Variants in LRBA observed in about 807,000 individuals in gnomAD.
LRBA encodes the protein LPS responsive beige-like anchor protein, also known as lipopolysaccharide-responsive and beige-like anchor protein.
Under a neutral mutation model 330.0 loss-of-function variants are expected in LRBA, and 176 were observed. The observed-to-expected ratio is 0.53, with a 90% CI of 0.47 to 0.60. The LOEUF is 0.60. LRBA is among the 20% of genes least tolerant of loss of function. The pLI is 0.00. For missense variants in LRBA, 3,259 were observed against 3,444.8 expected (o/e 0.95, Z 1.35); for synonymous variants, 1,230 against 1,193.0 (o/e 1.03, Z -0.64).
At chr4:150,608,727 A>G (rs1774925299) in intron 37 of LRBA, among the ~76,000 whole-genome samples, 1 of 152,196 alleles carries the variant, frequency 6.6e-6, no homozygotes, top group African/African-American at 2.4e-5. Flanking sequence ...CCCCAAAATG[A>G]AACTCCATAC....
At chr4:150,312,968 C>T (rs1286680647) in intron 51 of LRBA, among the ~76,000 whole-genome samples, 2 of 151,758 alleles carry the variant, frequency 1.3e-5, no homozygotes, top group Non-Finnish European at 1.5e-5. Context: ...ATTTATTAAA[C>T]TTTATAATAT....
intron 52 of LRBA, among the ~76,000 whole-genome samples, chr4:150,309,753 TGATGGTGTA>T (rs1730820984): frequency 6.6e-6 from 1 of 152,140 alleles, no homozygotes; most frequent in African/African-American, 2.4e-5. Flanking sequence ...CTTTTCTTCA[TGATGGTGTA>T]GATTTCAGCA....
At chr4:150,391,822 A>C (rs1743984832) in intron 47 of LRBA, among the ~76,000 whole-genome samples, 1 of 151,390 alleles carries the variant, frequency 6.6e-6, no homozygotes, top group African/African-American at 2.4e-5. Context: ...CTTGAGTGCC[A>C]CTTCTTTGGT....
chr4:150,441,583 G>A lies in LRBA; in HGVS notation c.6781-4719C>T, dbSNP rs557207426. On this transcript the variant is annotated intron_variant, in intron 44 of 56. Coordinates refer to ENST00000651943, the MANE Select transcript of LRBA (RefSeq NM_001364905.1). ...AAAATTTTAGGAACTCTTACCTGAA[G>A]TTATCTAATTAAGAATACCACCTCC... 8.8e-4 allele frequency among the ~76,000 whole-genome samples: 133 copies of A among 151,888 alleles called. 2 individuals carry two copies. In the South Asian group the frequency reaches 0.027, roughly 30 times the overall value.
At chr4:150,675,197 CAAA>C (rs1043165184) in intron 37 of LRBA, among the ~76,000 whole-genome samples, 1 of 151,642 alleles carries the variant, frequency 6.6e-6, no homozygotes, top group East Asian at 1.9e-4. Flanking sequence ...TAGCTCAAAA[CAAA>C]AAAACAAAAA....
rs185431783 is a variant in LRBA at position 150,814,833 on chromosome 4, T to C, written c.5305+2291A>G. Reference sequence around the variant, plus strand: ...CCAATAAATGTAACAGTCTTCAAGATAGCAAATTGTTTTATAATTCTGCAT... The same window carrying C: ...CCAATAAATGTAACAGTCTTCAAGACAGCAAATTGTTTTATAATTCTGCAT... On this transcript the variant is annotated intron_variant, in intron 31 of 56. Coordinates refer to ENST00000651943, the MANE Select transcript of LRBA (RefSeq NM_001364905.1). Among the ~76,000 whole-genome samples, 9 of 152,128 alleles carry C rather than the reference T, an allele frequency of 5.9e-5. No individual in the cohort carries two copies. The East Asian group carries it at 9.6e-4, about 16-fold the overall frequency.
intron 22 of LRBA, among the ~76,000 whole-genome samples, chr4:150,866,737 G>C (rs1344302290): frequency 6.6e-6 from 1 of 152,136 alleles, no homozygotes; most frequent in Admixed American, 6.6e-5. Context: ...AAATAGTCAT[G>C]TCATGCAATA....
At chr4:150,873,540 A>T (rs1317404906) in intron 17 of LRBA, among the ~76,000 whole-genome samples, 2 of 152,002 alleles carry the variant, frequency 1.3e-5, no homozygotes, top group Non-Finnish European at 2.9e-5. Context: ...CAGGGAGCCG[A>T]GATCATGCCA....
At position 150,819,911 on chromosome 4, in the gene LRBA, T is replaced by C. The variant is rs1041906940; in HGVS notation, c.5172-2654A>G. Among the ~76,000 whole-genome samples, 7 of 152,092 alleles carry C rather than the reference T, an allele frequency of 4.6e-5. 1 individual carries two copies. The highest frequency in any genetic ancestry group is 4.6e-4 in the Admixed American group (7 of 15,246). ...ATGATAGATCAGAAGTACGGCTTTC[T>C]ACATGAATTTACATTTTACATGTTC... On this transcript the variant is annotated intron_variant, in intron 30 of 56. Coordinates refer to ENST00000651943, the MANE Select transcript of LRBA (RefSeq NM_001364905.1).
chr4:150,883,024 G>A lies in LRBA; in HGVS notation c.2165+10028C>T, dbSNP rs1302109180. Among the ~76,000 whole-genome samples, 17 of 152,150 alleles carry A rather than the reference G, an allele frequency of 1.1e-4. No homozygotes were observed. In the South Asian group the frequency reaches 3.5e-3, roughly 32 times the overall value. ...TGATGACTATGACACAGTTTGGCAT[G>A]CCTATATTATCTGTCACCAATAAAG... On this transcript the variant is annotated intron_variant, in intron 17 of 56. Coordinates refer to ENST00000651943, the MANE Select transcript of LRBA (RefSeq NM_001364905.1).
chr4:150,278,790 A>G (rs534219079), intron 55 of LRBA, among the ~76,000 whole-genome samples: 1 of 152,020 alleles, frequency 6.6e-6, no homozygotes, highest in Admixed American at 6.6e-5. Context: ...ATGAATATTT[A>G]TATGAATTCC....
At chr4:150,904,827 A>G (rs1272060030) in intron 13 of LRBA, among the ~76,000 whole-genome samples, 2 of 152,142 alleles carry the variant, frequency 1.3e-5, no homozygotes, top group Non-Finnish European at 2.9e-5. Flanking sequence ...TGAAAAGACC[A>G]GCTGAAAATA....
chr4:150,617,256 G>T (rs547172073), intron 37 of LRBA, among the ~76,000 whole-genome samples: 3 of 152,180 alleles, frequency 2.0e-5, no homozygotes, highest in Admixed American at 2.0e-4. Context: ...AAACAAATAT[G>T]ATTTAACGAT....
intron 37 of LRBA, among the ~76,000 whole-genome samples, chr4:150,648,166 A>AAAAAAAAAAAAAAAAAAAAAAAAAAAAC (rs1561468366): frequency 7.0e-6 from 1 of 142,572 alleles, no homozygotes; most frequent in African/African-American, 2.5e-5. Context: ...AGCAAAAAAA[A>AAAAAAAAAAAAAAAAAAAAAAAAAAAAC]AAAAAAAAAA....
chr4:150,282,431 G>C lies in LRBA; in HGVS notation c.8316+19C>G. ...TGAGGTAAAAGTCGTGAATGCTGAA[G>C]AGTCCCCAGGGCACTCACTCTTATG... On this transcript the variant is annotated intron_variant, in intron 55 of 56. Transcript: ENST00000651943. The C allele has an allele frequency of 6.2e-7, 1 of 1,605,922 alleles. No homozygotes were observed. Among genetic ancestry groups the C allele is most frequent in the Non-Finnish European group, 8.5e-7 (1 of 1,176,278 alleles).
chr4:150,390,587 A>C (rs1055486122), intron 47 of LRBA, among the ~76,000 whole-genome samples: 9 of 152,198 alleles, frequency 5.9e-5, no homozygotes, highest in African/African-American at 2.2e-4. Context: ...GATATAAAAT[A>C]GGCAAAAATT....
chr4:150,623,655 A>T (rs566696153), intron 37 of LRBA, among the ~76,000 whole-genome samples: 2 of 152,214 alleles, frequency 1.3e-5, no homozygotes, highest in South Asian at 2.1e-4. Flanking sequence ...GATAAGTACT[A>T]AAGAGAATTT....
At chr4:150,351,309 A>G (rs1470962423) in intron 47 of LRBA, among the ~76,000 whole-genome samples, 1 of 152,202 alleles carries the variant, frequency 6.6e-6, no homozygotes, top group East Asian at 1.9e-4. Flanking sequence ...TTCCAACATC[A>G]AAGTTTAGCA....
chr4:150,691,850 T>TA (rs1008864268), intron 36 of LRBA, among the ~76,000 whole-genome samples: 3 of 152,052 alleles, frequency 2.0e-5, no homozygotes, highest in African/African-American at 7.2e-5. Flanking sequence ...ACTTAGTATT[T>TA]AAAAAAACAA....
Sources: allele counts gnomAD v4.1 joint callset (sites outside exome capture counted in the v4.1 genomes callset), GRCh38; gene constraint gnomAD v4.1.1; transcripts MANE v1.5; gene names NCBI Gene and HGNC (gene_info 2026-07-23, HGNC 2026-07-21).